CCDC183: variants seen among roughly 807,000 people sequenced by gnomAD.
The protein encoded by CCDC183 is coiled-coil domain containing 183.
Under a neutral mutation model 65.2 loss-of-function variants are expected in CCDC183, and 63 were observed. The ratio of observed to expected loss-of-function variants is 0.97; its 90% CI spans 0.79 to 1.19. The LOEUF (loss-of-function observed/expected upper bound fraction) is 1.19, where lower values mean the gene tolerates loss of function less well. Among genes scored for constraint, CCDC183 ranks in the 50% most tolerant of loss-of-function variants. CCDC183 has a pLI of 0.00. For missense variants in CCDC183, 769 were observed against 689.3 expected (o/e 1.12, Z -1.30); for synonymous variants, 323 against 276.5 (o/e 1.17, Z -1.67).
At chr9:136,799,000 C>T in intron 1 of CCDC183, 102 bp from the exon 2 acceptor site, 1 of 1,534,476 alleles carries the variant, frequency 6.5e-7, no homozygotes, top group Non-Finnish European at 8.8e-7. Context: ...TCCCCCTGGA[C>T]CCTGGGGCCT....
rs751532733 is a variant in CCDC183 at position 136,807,677 on chromosome 9, A to T, written c.1592A>T (p.Lys531Ile). The stretch of plus-strand genomic sequence containing the variant: ...GAGGGGAAGCTCAAGGCGGCCAAGA[A>T]AAAGAAGAAGTAGCCCCGCCGCCCC... ...LIEGKLKAAK[K>I]KKK is the part of the protein sequence containing the mutation. The change falls in exon 14 of 14, where the codon AAA (lysine) becomes ATA (isoleucine). Residue 531 changes from lysine (K) to isoleucine (I), a missense_variant. By Grantham distance (102) the Lys-to-Ile change is moderately radical. Coordinates refer to ENST00000338005, the MANE Select transcript of CCDC183 (RefSeq NM_001039374.5). 1.3e-5 allele frequency: 21 copies of T among 1,602,204 alleles called. No homozygotes were observed. The highest frequency in any genetic ancestry group is 1.6e-5 in the Non-Finnish European group (19 of 1,174,612).
Position 136,802,693 on chromosome 9 carries a change from C to T in CCDC183, c.573C>T (p.Asp191=). 1 of 1,613,352 alleles carries T rather than the reference C, an allele frequency of 6.2e-7. No individual in the cohort carries two copies. Among genetic ancestry groups the T allele is most frequent in the Non-Finnish European group, 8.5e-7 (1 of 1,179,792 alleles). The change falls in exon 6 of 14, where the codon GAC becomes GAT. Residue 191 remains aspartate, a synonymous_variant. Transcript: ENST00000338005. Reference sequence around the variant, plus strand: ...TGGCAGGATACCCCATTGAGCTGGACAAGCTGCAGAACCTCGTGGTCAACT... The same window carrying T: ...TGGCAGGATACCCCATTGAGCTGGATAAGCTGCAGAACCTCGTGGTCAACT... ...TVLAGYPIEL[D]KLQNLVVNYC...
chr9:136,799,851 C>CTAGA, intron 3 of CCDC183, 61 bp downstream of exon 3: 2 of 1,532,988 alleles, frequency 1.3e-6, no homozygotes, highest in African/African-American at 2.7e-5. Context: ...CACCCCCCCA[C>CTAGA]TAGATGTTGC....
chr9:136,799,191 C>T lies in CCDC183; in HGVS notation c.160C>T (p.Arg54Cys). ...GGCCCTCCTGCGCAGCAACATCCGCCGCGGGGCCCAGGACTGGGCTTTGGC... is the reference window on the plus strand; with the variant it reads ...GGCCCTCCTGCGCAGCAACATCCGCTGCGGGGCCCAGGACTGGGCTTTGGC... ...TLALLRSNIR[R>C]GAQDWALAKK... is the part of the protein sequence containing the mutation. Residue 54 changes from arginine to cysteine, a missense_variant, in exon 2 of 14, where the codon CGC becomes TGC. Physicochemically the swap from Arg to Cys is radical, Grantham distance 180 (BLOSUM62 -3). Coordinates refer to ENST00000338005, the MANE Select transcript of CCDC183 (RefSeq NM_001039374.5). The T allele has an allele frequency of 1.2e-6, 2 of 1,610,644 alleles. No individual in the cohort carries two copies. Among genetic ancestry groups the T allele is most frequent in the Non-Finnish European group, 1.7e-6 (2 of 1,178,778 alleles).
At position 136,804,575 on chromosome 9, in the gene CCDC183, A is replaced by C; in HGVS notation, c.740A>C (p.Lys247Thr). Residue 247 changes from lysine (K) to threonine (T), a missense_variant, in exon 7 of 14, where the codon AAG (lysine) becomes ACG (threonine). Transcript: ENST00000338005. This position sits in a 1 kb window ranked among gnomAD's most constrained non-coding sequence, Gnocchi z 4.1. ...AGGGAGAACCGGCTCAACCAGCAGA[A>C]GAAGCTGATCGACAAGATCCACACG... Reference protein sequence around the residue: ...RARENRLNQQKKLIDKIHTKE... With the variant: ...RARENRLNQQTKLIDKIHTKE... 2 of 1,613,688 alleles carry C rather than the reference A, an allele frequency of 1.2e-6. No individual in the cohort carries two copies. Among genetic ancestry groups the C allele is most frequent in the Admixed American group, 3.3e-5 (2 of 60,012 alleles).
In CCDC183 at chr9:136,800,154, G is replaced by T; in HGVS notation, c.423G>T (p.Glu141Asp). The change falls in exon 4 of 14, where the codon GAG becomes GAT. Residue 141 changes from glutamate (E) to aspartate (D), a missense_variant. Glu to Asp is a conservative substitution (Grantham distance 45). Coordinates refer to ENST00000338005, the MANE Select transcript of CCDC183 (RefSeq NM_001039374.5). ...LRSQPDASKE[E>D]LRLLQIIRQL... is the part of the protein sequence containing the mutation. Reference sequence around the variant, plus strand: ...GCCAGCCCGACGCCAGCAAGGAGGAGCTGCGGCTGCTGCAGGTGGAGAGGC... The same window carrying T: ...GCCAGCCCGACGCCAGCAAGGAGGATCTGCGGCTGCTGCAGGTGGAGAGGC... 1.3e-6 allele frequency: 2 copies of T among 1,534,776 alleles called. No homozygotes were observed. The highest frequency in any genetic ancestry group is 1.7e-6 in the Non-Finnish European group (2 of 1,145,916).
chr9:136,805,646 CATCTGTGT>C lies in CCDC183; in HGVS notation c.948+195_948+202del, dbSNP rs1484722961. On this transcript the variant is annotated intron_variant, in intron 9 of 13. Coordinates refer to ENST00000338005, the MANE Select transcript of CCDC183 (RefSeq NM_001039374.5). ...GCCCCAAATCCTTTTATCTTAATCC[CATCTGTGT>C]ATCTGCGTTTATTATTATTAGGCCT... The C allele has an allele frequency of 9.8e-5, 58 of 590,224 alleles. 1 individual carries two copies. The East Asian group carries it at 1.6e-3, about 17-fold the overall frequency. The allele number at this position is 590,224 out of a possible 1,614,324, so 36.6% of individuals were successfully genotyped here.
chr9:136,797,471 C>T (rs879592437), intron 1 of CCDC183, among the ~76,000 whole-genome samples: 17 of 149,496 alleles, frequency 1.1e-4, no homozygotes, highest in Non-Finnish European at 1.8e-4. Flanking sequence ...TGGAGTCTTG[C>T]TCTGTTGCCC....
intron 5 of CCDC183, 78 bp from the exon 6 acceptor site, chr9:136,802,586 C>A (rs1208311149): frequency 1.9e-5 from 29 of 1,532,566 alleles, no homozygotes; most frequent in Non-Finnish European, 2.5e-5. Context: ...GTTCTCAGGG[C>A]TCTTAGTCGG....
rs752828047 is a variant in CCDC183, at chr9:136,796,384, G to A, written c.-14G>A. The A allele has an allele frequency of 3.2e-6, 5 of 1,568,034 alleles. No individual in the cohort carries two copies. Among genetic ancestry groups the A allele is most frequent in the African/African-American group, 1.3e-5 (1 of 74,598 alleles). On this transcript the variant is annotated 5_prime_UTR_variant, in exon 1 of 14. Coordinates refer to ENST00000338005, the MANE Select transcript of CCDC183 (RefSeq NM_001039374.5). ...TGAGGTACACAGGGTCCCTTGGGGGGCCTGAGAGCAGCCATGAGGAGGCAC... is the reference window on the plus strand; with the variant it reads ...TGAGGTACACAGGGTCCCTTGGGGGACCTGAGAGCAGCCATGAGGAGGCAC...
Position 136,799,239 on chromosome 9 carries a change from C to A in CCDC183, c.192+16C>A. ...GGCCAAGAAGGTACACAAACGCCGC[C>A]CCTCCCCTCTGCCTGGCGAGCAGGG... On this transcript the variant is annotated intron_variant, in intron 2 of 13. Transcript: ENST00000338005. The A allele has an allele frequency of 6.3e-7, 1 of 1,584,190 alleles. No individual in the cohort carries two copies. The highest frequency in any genetic ancestry group is 1.2e-5 in the South Asian group (1 of 86,344).
Position 136,800,080 on chromosome 9 carries a change from C to T in CCDC183, c.349C>T (p.Arg117Cys). The change falls in exon 4 of 14, where the codon CGC (arginine) becomes TGC (cysteine). Residue 117 changes from arginine to cysteine, a missense_variant. Arg to Cys is a radical substitution (Grantham distance 180). Coordinates refer to ENST00000338005, the MANE Select transcript of CCDC183 (RefSeq NM_001039374.5). ...CCTACTGATCCACCTGGTGCGGCGG[C>T]GCGGGCAGAAGCTGGAGAGCATGCA... ...HNLLIHLVRR[R>C]GQKLESMQLE... 6.4e-7 allele frequency: 1 copy of T among 1,572,198 alleles called. No individual in the cohort carries two copies. Among genetic ancestry groups the T allele is most frequent in the Non-Finnish European group, 8.6e-7 (1 of 1,160,378 alleles).
intron 1 of CCDC183, 67 bp from the exon 2 acceptor site, chr9:136,799,035 C>G (rs1847696003): frequency 6.2e-7 from 1 of 1,600,958 alleles, no homozygotes; most frequent in Admixed American, 1.7e-5. Context: ...GCAAGCCTCC[C>G]CCAGGGGATT....
At position 136,804,378 on chromosome 9, in the gene CCDC183, T is replaced by C. The variant is rs1372861438; in HGVS notation, c.667-124T>C. 7.5e-6 allele frequency: 10 copies of C among 1,337,964 alleles called. No homozygotes were observed. The highest frequency in any genetic ancestry group is 2.9e-5 in the African/African-American group (2 of 68,134). The allele number at this position is 1,337,964 out of a possible 1,614,324, so 82.9% of individuals were successfully genotyped here. ...GTGGTTTAGGAAAAGGGTGTGGCCA[T>C]TGGCCGGGGATGCAGTTCCAAAGTC... is the stretch of plus-strand genomic sequence containing the variant. On this transcript the variant is annotated intron_variant, in intron 6 of 13. Coordinates refer to ENST00000338005, the MANE Select transcript of CCDC183 (RefSeq NM_001039374.5). The surrounding 1 kb of genome is among the most constrained non-coding windows in gnomAD (Gnocchi z 4.1).
At chr9:136,798,991 C>T in intron 1 of CCDC183, 111 bp from the exon 2 acceptor site, 1 of 1,429,992 alleles carries the variant, frequency 7.0e-7, no homozygotes, top group Non-Finnish European at 9.5e-7. Context: ...GAGGGGGCAT[C>T]CCCCTGGACC....
intron 3 of CCDC183, 27 bp downstream of exon 3, chr9:136,799,817 C>T (rs767456469): frequency 6.7e-5 from 107 of 1,587,714 alleles, no homozygotes; most frequent in Non-Finnish European, 9.2e-5. Flanking sequence ...GGCCTCGAGA[C>T]CCAACCCTCC....
chr9:136,805,010 C>T, intron 8 of CCDC183, 194 bp downstream of exon 8: 1 of 612,028 alleles, frequency 1.6e-6, no homozygotes, highest in Admixed American at 2.9e-5. Context: ...AGATGCTGGC[C>T]CCAGCACCCA....
chr9:136,799,165 T>G lies in CCDC183; in HGVS notation c.134T>G (p.Leu45Arg). 6.2e-7 allele frequency: 1 copy of G among 1,613,014 alleles called. No homozygotes were observed. The highest frequency in any genetic ancestry group is 1.7e-5 in the Admixed American group (1 of 59,952). ...KENMDQNKAT[L>R]ALLRSNIRRG... Reference sequence around the variant, plus strand: ...AATATGGACCAGAACAAGGCCACGCTGGCCCTCCTGCGCAGCAACATCCGC... The same window carrying G: ...AATATGGACCAGAACAAGGCCACGCGGGCCCTCCTGCGCAGCAACATCCGC... Residue 45 changes from leucine (L) to arginine (R), a missense_variant, in exon 2 of 14, where the codon CTG becomes CGG. Transcript: ENST00000338005.
rs1201421572 is a variant in CCDC183 at position 136,800,421 on chromosome 9, G to A, written c.471G>A (p.Lys157=). Residue 157 remains lysine (K), a synonymous_variant, in exon 5 of 14, where the codon AAG becomes AAA. Coordinates refer to ENST00000338005, the MANE Select transcript of CCDC183 (RefSeq NM_001039374.5). ...GCCAGCTGGAGAACAACATCGAGAAGACAATGATCAAGATCATCACCAGCC... is the reference window on the plus strand; with the variant it reads ...GCCAGCTGGAGAACAACATCGAGAAAACAATGATCAAGATCATCACCAGCC... ...IIRQLENNIE[K]TMIKIITSQN... 6.2e-7 allele frequency: 1 copy of A among 1,612,650 alleles called. No homozygotes were observed. The highest frequency in any genetic ancestry group is 8.5e-7 in the Non-Finnish European group (1 of 1,179,454).
Sources: gnomAD v4.1 joint callset for allele counts (sites outside exome capture counted in the v4.1 genomes callset) on GRCh38, gnomAD v4.1.1 for gene constraint, Gnocchi (gnomAD v3.1) non-coding constraint, MANE v1.5 for transcripts, NCBI Gene and HGNC (gene_info 2026-07-23, HGNC 2026-07-21) for gene names.